Variants in ROCK1 observed in about 807,000 individuals in gnomAD.
The protein encoded by ROCK1 is Rho associated coiled-coil containing protein kinase 1.
ROCK1 carries 36 observed loss-of-function variants against 196.8 expected under a neutral mutation model. That is an observed-to-expected ratio of 0.18 (90% confidence interval 0.14 to 0.24). ROCK1 has a LOEUF of 0.24. Ranked by LOEUF, ROCK1 falls within the 10% of genes least tolerant of loss-of-function variation. The pLI is 1.00. For missense variants in ROCK1, 920 were observed against 1,562.0 expected (o/e 0.59, Z 6.93); for synonymous variants, 443 against 515.9 (o/e 0.86, Z 1.91).
At chr18:21,080,010 G>A (rs1443459831) in intron 1 of ROCK1, among the ~76,000 whole-genome samples, 1 of 152,108 alleles carries the variant, frequency 6.6e-6, no homozygotes, top group Non-Finnish European at 1.5e-5. Context: ...AAGACGATCT[G>A]TTACCCATCT....
intron 8 of ROCK1, among the ~76,000 whole-genome samples, chr18:21,041,586 T>C (rs1298787995): frequency 6.6e-6 from 1 of 152,056 alleles, no homozygotes; most frequent in Non-Finnish European, 1.5e-5. Flanking sequence ...CTATTATGTC[T>C]AGAAGAAAAA....
intron 1 of ROCK1, among the ~76,000 whole-genome samples, chr18:21,090,400 C>G (rs1364865051): frequency 6.6e-6 from 1 of 152,136 alleles, no homozygotes; most frequent in Non-Finnish European, 1.5e-5. Context: ...GAGGTTGAGG[C>G]TGTAGTGAAT....
In ROCK1 at chr18:21,049,762, C is replaced by T; in HGVS notation, c.276+18G>A. 2 of 1,368,296 alleles carry T rather than the reference C, an allele frequency of 1.5e-6. No homozygotes were observed. The highest frequency in any genetic ancestry group is 2.1e-6 in the Non-Finnish European group (2 of 967,310). The allele number at this position is 1,368,296 out of a possible 1,614,324, so 84.8% of individuals were successfully genotyped here. A position where few individuals can be genotyped will look rare whatever the true frequency, so the allele number is the denominator to read the frequency against. On this transcript the variant is annotated intron_variant, in intron 3 of 32. Coordinates refer to ENST00000399799, the MANE Select transcript of ROCK1 (RefSeq NM_005406.3). ...TAATTTAATAAAGTCCTTTTGTATT[C>T]TCATTAAAATAACCTACCAATTGAA...
chr18:21,082,000 G>A (rs1457707188), intron 1 of ROCK1, among the ~76,000 whole-genome samples: 1 of 152,142 alleles, frequency 6.6e-6, no homozygotes, highest in African/African-American at 2.4e-5. Context: ...TGCCCAGGGT[G>A]AAGTGTAGGG....
intron 1 of ROCK1, among the ~76,000 whole-genome samples, chr18:21,106,905 A>G (rs944703026): frequency 6.6e-6 from 1 of 152,206 alleles, no homozygotes; most frequent in African/African-American, 2.4e-5. Context: ...ACATTATTCT[A>G]AACTACTGCA....
At chr18:21,049,342 T>G in intron 3 of ROCK1, 113 bp from the exon 4 acceptor site, 1 of 802,462 alleles carries the variant, frequency 1.2e-6, no homozygotes, top group Non-Finnish European at 1.8e-6. Flanking sequence ...TTAGCCTTAC[T>G]GTTTCAGTTA....
chr18:20,994,835 A>G (rs192960783), intron 16 of ROCK1, among the ~76,000 whole-genome samples: 12 of 152,358 alleles, frequency 7.9e-5, no homozygotes, highest in African/African-American at 2.9e-4. Context: ...AAAGCAAAGA[A>G]GCTTTATATA....
chr18:20,972,227 GA>G (rs1277544523), intron 22 of ROCK1, among the ~76,000 whole-genome samples: 1 of 151,638 alleles, frequency 6.6e-6, no homozygotes, highest in Non-Finnish European at 1.5e-5. Flanking sequence ...TAGAGTGTAA[GA>G]AAAAAAGAAG....
chr18:21,051,435 C>T (rs773987097), intron 2 of ROCK1, among the ~76,000 whole-genome samples: 30 of 152,110 alleles, frequency 2.0e-4, no homozygotes, highest in Non-Finnish European at 4.1e-4. Flanking sequence ...GTCTGGGCGA[C>T]AGAGCGAAAC....
In ROCK1 at chr18:20,992,869, T is replaced by C; in HGVS notation, c.1954A>G (p.Arg652Gly). Residue 652 changes from arginine to glycine, a missense_variant, in exon 17 of 33, where the codon AGA becomes GGA. Arg to Gly is a moderately radical substitution (Grantham distance 125, BLOSUM62 -2). This residue lies in a region of ROCK1 where 520 missense variants were observed against 657.1 expected (regional missense o/e 0.79). Coordinates refer to ENST00000399799, the MANE Select transcript of ROCK1 (RefSeq NM_005406.3). ...TTAAGCATGTCTTGAGCCTCTTTTCTTTCTCCTTCCACTTTTTCGAGATTA... is the reference window on the plus strand; with the variant it reads ...TTAAGCATGTCTTGAGCCTCTTTTCCTTCTCCTTCCACTTTTTCGAGATTA... ...KHNLEKVEGE[R>G]KEAQDMLNHS... 2 of 1,611,834 alleles carry C rather than the reference T, an allele frequency of 1.2e-6. No individual in the cohort carries two copies. The highest frequency in any genetic ancestry group is 1.7e-6 in the Non-Finnish European group (2 of 1,178,314).
At chr18:20,971,792 A>G (rs1246817583) in intron 22 of ROCK1, among the ~76,000 whole-genome samples, 2 of 152,152 alleles carry the variant, frequency 1.3e-5, no homozygotes, top group Non-Finnish European at 2.9e-5. Flanking sequence ...CAATTTAAAA[A>G]ATGAACAAGT....
At chr18:20,966,771 T>C (rs1441033745) in intron 27 of ROCK1, 146 bp downstream of exon 27, 1 of 635,440 alleles carries the variant, frequency 1.6e-6, no homozygotes, top group Non-Finnish European at 2.7e-6. Flanking sequence ...TGTATAATCA[T>C]CATCAGGCCT....
At chr18:21,045,843 T>C (rs1353241818) in intron 4 of ROCK1, among the ~76,000 whole-genome samples, 1 of 151,286 alleles carries the variant, frequency 6.6e-6, no homozygotes, top group Non-Finnish European at 1.5e-5. Context: ...ATTAAATTTA[T>C]ATCAATATCA....
chr18:20,971,062 C>T (rs1294683703), intron 22 of ROCK1, among the ~76,000 whole-genome samples: 3 of 152,068 alleles, frequency 2.0e-5, no homozygotes, highest in African/African-American at 2.4e-5. Context: ...TCTGAGAATG[C>T]TCCCTGGAAA....
At chr18:21,070,022 A>T (rs1220647734) in intron 2 of ROCK1, among the ~76,000 whole-genome samples, 1 of 152,024 alleles carries the variant, frequency 6.6e-6, no homozygotes, top group Non-Finnish European at 1.5e-5. Context: ...TAACACCAAA[A>T]CCAATCAAAC....
At chr18:21,099,212 C>T (rs1197723085) in intron 1 of ROCK1, among the ~76,000 whole-genome samples, 5 of 152,070 alleles carry the variant, frequency 3.3e-5, no homozygotes, top group Admixed American at 6.5e-5. Context: ...GGAGGAAAAT[C>T]ATACACCAAT....
At position 21,005,836 on chromosome 18, in the gene ROCK1, C is replaced by T. The variant is rs1001356149; in HGVS notation, c.1885+515G>A. ...AGGCTGCAGTGAGCTGTGATCATGC[C>T]GCTGCACTCCAGCCTGTGCAACAGA... On this transcript the variant is annotated intron_variant, in intron 16 of 32. Coordinates refer to ENST00000399799, the MANE Select transcript of ROCK1 (RefSeq NM_005406.3). 2.3e-4 allele frequency among the ~76,000 whole-genome samples: 35 copies of T among 152,066 alleles called. 1 individual carries two copies. Among genetic ancestry groups the T allele is most frequent in the Admixed American group, 2.0e-3 (30 of 15,284 alleles).
At chr18:20,975,902 T>G (rs1376202845) in intron 22 of ROCK1, among the ~76,000 whole-genome samples, 2 of 152,170 alleles carry the variant, frequency 1.3e-5, no homozygotes, top group Non-Finnish European at 2.9e-5. Context: ...TGAGCCACCA[T>G]GCCCGGCCAA....
At chr18:20,980,976 G>A (rs891411988) in intron 21 of ROCK1, among the ~76,000 whole-genome samples, 3 of 150,982 alleles carry the variant, frequency 2.0e-5, no homozygotes, top group Non-Finnish European at 4.4e-5. Context: ...TTGGGAAGAC[G>A]TTATAAAGAA....
Sources: gnomAD v4.1 joint callset for allele counts (sites outside exome capture counted in the v4.1 genomes callset) on GRCh38, gnomAD v4.1.1 for gene constraint, gnomAD v4.1.1 regional missense constraint, MANE v1.5 for transcripts, NCBI Gene and HGNC (gene_info 2026-07-23, HGNC 2026-07-21) for gene names.